C8B: variants seen among roughly 807,000 people sequenced by gnomAD.
C8B encodes the protein complement C8 beta chain, also known as complement component C8 beta chain.
A neutral mutation model predicts 64.6 loss-of-function variants in C8B; 67 were observed. The ratio of observed to expected loss-of-function variants is 1.04; its 90% CI spans 0.85 to 1.27. The LOEUF (loss-of-function observed/expected upper bound fraction) is 1.27, where lower values mean the gene tolerates loss of function less well. Ranked by LOEUF, C8B falls within the 50% of genes most tolerant of loss-of-function variation. The pLI, the probability that C8B is intolerant of heterozygous loss-of-function variation, is 0.00. For synonymous variants in C8B, 284 were observed against 257.7 expected, an observed-to-expected ratio of 1.10 and a Z score of -0.98; for missense variants, 790 against 725.2, an observed-to-expected ratio of 1.09 and a Z score of -1.03.
chr1:56,952,283 C>T, intron 4 of C8B, 103 bp from the exon 5 acceptor site: 1 of 1,494,780 alleles, frequency 6.7e-7, no homozygotes, highest in Non-Finnish European at 9.2e-7. Flanking sequence ...TTGGCACAGC[C>T]TTCAAGGCCC....
chr1:56,960,918 T>C (rs1162644352), intron 1 of C8B, among the ~76,000 whole-genome samples: 1 of 151,880 alleles, frequency 6.6e-6, no homozygotes, highest in Non-Finnish European at 1.5e-5. Flanking sequence ...TAGTAAATAG[T>C]TCCTATATGG....
At chr1:56,950,604 G>A (rs775798410) in intron 5 of C8B, among the ~76,000 whole-genome samples, 15 of 152,268 alleles carry the variant, frequency 9.9e-5, no homozygotes, top group Middle Eastern at 3.4e-3. Context: ...CAGCTCAGCC[G>A]CTACAAGGGG....
chr1:56,962,485 C>T (rs763764320), intron 1 of C8B, among the ~76,000 whole-genome samples: 1 of 152,122 alleles, frequency 6.6e-6, no homozygotes, highest in Non-Finnish European at 1.5e-5. Context: ...GCCTTTCACC[C>T]CTATGGATTT....
intron 1 of C8B, among the ~76,000 whole-genome samples, chr1:56,961,697 A>G (rs912323925): frequency 1.3e-5 from 2 of 152,114 alleles, no homozygotes; most frequent in African/African-American, 4.8e-5. Context: ...ACAGGATGTC[A>G]CTCCCGACAA....
intron 11 of C8B, among the ~76,000 whole-genome samples, chr1:56,931,380 G>C (rs1045691730): frequency 1.6e-4 from 24 of 152,160 alleles, no homozygotes; most frequent in Admixed American, 1.3e-3. Context: ...AATGCACAAA[G>C]AGCTATAATA....
intron 1 of C8B, among the ~76,000 whole-genome samples, chr1:56,961,818 C>A (rs962471106): frequency 6.6e-5 from 10 of 152,088 alleles, no homozygotes; most frequent in Admixed American, 1.3e-4. Context: ...AATCAATTGC[C>A]TAGTAAAGCT....
At chr1:56,948,416 T>C (rs914145431) in intron 6 of C8B, among the ~76,000 whole-genome samples, 5 of 152,194 alleles carry the variant, frequency 3.3e-5, no homozygotes, top group African/African-American at 4.8e-5. Flanking sequence ...GGCTCAGTTC[T>C]TAGCCTGGAA....
intron 1 of C8B, among the ~76,000 whole-genome samples, chr1:56,963,081 G>A (rs1208339565): frequency 2.6e-5 from 4 of 152,126 alleles, no homozygotes; most frequent in African/African-American, 9.7e-5. Flanking sequence ...CCCTTGCTCA[G>A]CTCCTTGAAC....
intron 9 of C8B, among the ~76,000 whole-genome samples, chr1:56,938,105 T>G (rs764682098): frequency 5.9e-5 from 9 of 152,368 alleles, no homozygotes; most frequent in African/African-American, 1.9e-4. Flanking sequence ...ATTGTCTTCT[T>G]ATATTTTTGA....
At chr1:56,958,924 G>A (rs1400314295) in intron 2 of C8B, among the ~76,000 whole-genome samples, 1 of 152,190 alleles carries the variant, frequency 6.6e-6, no homozygotes, top group East Asian at 1.9e-4. Flanking sequence ...TGGGGAAATA[G>A]CAACCATTCT....
At chr1:56,940,139 T>G (rs1644830013) in intron 9 of C8B, among the ~76,000 whole-genome samples, 1 of 152,162 alleles carries the variant, frequency 6.6e-6, no homozygotes. Context: ...AACTATTTGT[T>G]GGTTGAATGC....
intron 9 of C8B, among the ~76,000 whole-genome samples, 198 bp downstream of exon 9, chr1:56,940,651 G>C (rs900265993): frequency 2.0e-5 from 3 of 152,286 alleles, no homozygotes; most frequent in Admixed American, 6.5e-5. Flanking sequence ...AAGTGAGAGG[G>C]AGTCAAGGGT....
chr1:56,939,150 A>G (rs772764173), intron 9 of C8B, among the ~76,000 whole-genome samples: 19 of 152,216 alleles, frequency 1.2e-4, no homozygotes, highest in Non-Finnish European at 2.2e-4. Flanking sequence ...TTTAAAAAAG[A>G]TTCAGGTAAG....
At chr1:56,960,311 C>T (rs1002440559) in intron 1 of C8B, 135 bp from the exon 2 acceptor site, 3 of 760,552 alleles carry the variant, frequency 3.9e-6, no homozygotes, top group East Asian at 5.2e-5. Context: ...TCCAGGATAA[C>T]CTATCCTGGA....
At chr1:56,962,010 C>A (rs1645186586) in intron 1 of C8B, among the ~76,000 whole-genome samples, 1 of 152,204 alleles carries the variant, frequency 6.6e-6, no homozygotes, top group South Asian at 2.1e-4. Flanking sequence ...ATGTATTTGA[C>A]AGCTCTGCAG....
intron 6 of C8B, among the ~76,000 whole-genome samples, chr1:56,948,975 C>G (rs1644981485): frequency 6.6e-6 from 1 of 151,224 alleles, no homozygotes; most frequent in South Asian, 2.1e-4. Context: ...AGAAGGTTAT[C>G]TCTGCCTGGT....
At chr1:56,942,003 C>CTT (rs1373717490) in intron 8 of C8B, among the ~76,000 whole-genome samples, 1 of 152,210 alleles carries the variant, frequency 6.6e-6, no homozygotes, top group Non-Finnish European at 1.5e-5. Flanking sequence ...AGTGGATACT[C>CTT]TGCATCCGTG....
At chr1:56,951,141 G>A (rs1473707615) in intron 5 of C8B, among the ~76,000 whole-genome samples, 1 of 152,076 alleles carries the variant, frequency 6.6e-6, no homozygotes, top group Admixed American at 6.5e-5. Flanking sequence ...GCAGTGGTAC[G>A]ACCTTGACTC....
chr1:56,959,080 G>A (rs1310381441), intron 2 of C8B, among the ~76,000 whole-genome samples: 1 of 152,192 alleles, frequency 6.6e-6, no homozygotes, highest in East Asian at 1.9e-4. Context: ...AGTAGCCTGA[G>A]TTTGAGGTCT....
Sources: gnomAD v4.1 joint callset for allele counts (sites outside exome capture counted in the v4.1 genomes callset) on GRCh38, gnomAD v4.1.1 for gene constraint, MANE v1.5 for transcripts, NCBI Gene and HGNC (gene_info 2026-07-23, HGNC 2026-07-21) for gene names.